Variants in KANK1 observed in about 807,000 individuals in gnomAD.
KANK1 encodes the protein KN motif and ankyrin repeat domain-containing protein 1.
Under a neutral mutation model 106.2 loss-of-function variants are expected in KANK1, and 109 were observed. The ratio of observed to expected loss-of-function variants is 1.03; its 90% CI spans 0.88 to 1.20. The LOEUF (loss-of-function observed/expected upper bound fraction) is 1.20. Among genes scored for constraint, KANK1 ranks in the 50% most tolerant of loss-of-function variants. The pLI, the probability that KANK1 is intolerant of heterozygous loss-of-function variation, is 0.00. For missense variants in KANK1, 2,399 were observed against 1,710.7 expected (o/e 1.40, Z -7.10); for synonymous variants, 873 against 652.2 (o/e 1.34, Z -5.16).
chr9:579,330 T>G (rs1352201612), intron 1 of KANK1, among the ~76,000 whole-genome samples: 1 of 152,106 alleles, frequency 6.6e-6, no homozygotes, highest in Non-Finnish European at 1.5e-5. Context: ...CAAAACAAAC[T>G]TGGGGAGGAT....
At chr9:734,683 T>C (rs1833282360) in intron 6 of KANK1, 65 bp from the exon 7 acceptor site, 1 of 1,176,862 alleles carries the variant, frequency 8.5e-7, no homozygotes, top group Non-Finnish European at 1.3e-6. Flanking sequence ...AAATTAGATA[T>C]TTGGGTTGAA....
At chr9:625,292 G>T (rs149028495) in intron 1 of KANK1, among the ~76,000 whole-genome samples, 29 of 152,274 alleles carry the variant, frequency 1.9e-4, no homozygotes, top group African/African-American at 6.5e-4. Flanking sequence ...GATAAAAACC[G>T]TTAAGTATTT....
chr9:680,307 C>G (rs984800911), intron 2 of KANK1, among the ~76,000 whole-genome samples: 1 of 152,138 alleles, frequency 6.6e-6, no homozygotes, highest in Non-Finnish European at 1.5e-5. Context: ...GACTGATCAT[C>G]TCAAGTTGAC....
intron 3 of KANK1, among the ~76,000 whole-genome samples, chr9:724,737 G>C (rs1830235777): frequency 6.6e-6 from 1 of 152,106 alleles, no homozygotes; most frequent in African/African-American, 2.4e-5. Context: ...GGGAGGTGGA[G>C]GTTGCAGTGA....
chr9:471,199 C>A (rs2058014382), intron 2 of KANK1, among the ~76,000 whole-genome samples: 1 of 152,214 alleles, frequency 6.6e-6, no homozygotes, highest in African/African-American at 2.4e-5. Context: ...CACCTCACCC[C>A]TTGCTTTTTC....
At chr9:550,685 G>A (rs1348470044) in intron 1 of KANK1, among the ~76,000 whole-genome samples, 6 of 152,200 alleles carry the variant, frequency 3.9e-5, no homozygotes, top group African/African-American at 1.2e-4. Context: ...CACGTGCAAG[G>A]TAGTGGCCAG....
chr9:546,314 G>T (rs1223078642), intron 1 of KANK1, among the ~76,000 whole-genome samples: 1 of 151,980 alleles, frequency 6.6e-6, no homozygotes, highest in African/African-American at 2.4e-5. Flanking sequence ...GAGAGGGTAG[G>T]TGCTACTGTC....
In KANK1 at chr9:524,518, TTTTG is replaced by T. The variant is rs1417908398; in HGVS notation, c.-84+19776_-84+19779del. 6.6e-5 allele frequency among the ~76,000 whole-genome samples: 10 copies of T among 151,770 alleles called. No homozygotes were observed. In the East Asian group the frequency reaches 9.7e-4, roughly 15 times the overall value. The stretch of plus-strand genomic sequence containing the variant: ...GTAGTATGTCACTTATTGTGGGGTT[TTTTG>T]TTTGTTTGTTTTTGAAACTGTGTCT... On this transcript the variant is annotated intron_variant, in intron 1 of 11. Transcript: ENST00000382297.
At chr9:744,449 T>G in intron 10 of KANK1, 42 bp from the exon 11 acceptor site, 2 of 1,588,332 alleles carry the variant, frequency 1.3e-6, no homozygotes, top group Non-Finnish European at 1.7e-6. Context: ...TCTGGAGGTT[T>G]GAGAAACCCA....
intron 2 of KANK1, among the ~76,000 whole-genome samples, chr9:686,136 C>A (rs1818493832): frequency 1.3e-5 from 2 of 152,198 alleles, no homozygotes; most frequent in African/African-American, 4.8e-5. Flanking sequence ...TCAGCTCTTA[C>A]TTTTTTCTAA....
At chr9:597,153 C>CTT (rs1826422230) in intron 1 of KANK1, among the ~76,000 whole-genome samples, 1 of 151,756 alleles carries the variant, frequency 6.6e-6, no homozygotes, top group Admixed American at 6.6e-5. Flanking sequence ...TTTTCCCCAC[C>CTT]TTTTAATTCT....
At chr9:729,106 A>G (rs1831523294) in intron 3 of KANK1, among the ~76,000 whole-genome samples, 1 of 152,240 alleles carries the variant, frequency 6.6e-6, no homozygotes, top group African/African-American at 2.4e-5. Context: ...ACATATCTGT[A>G]TACATTAATT....
At chr9:729,875 G>A (rs564383286) in intron 3 of KANK1, among the ~76,000 whole-genome samples, 176 bp from the exon 4 acceptor site, 1 of 152,156 alleles carries the variant, frequency 6.6e-6, no homozygotes, top group African/African-American at 2.4e-5. Flanking sequence ...GACGAGGCCC[G>A]GCAGTCTGCC....
At chr9:598,581 A>G (rs1240466579) in intron 1 of KANK1, among the ~76,000 whole-genome samples, 2 of 108,816 alleles carry the variant, frequency 1.8e-5, no homozygotes, top group African/African-American at 6.8e-5. Context: ...CCTGTGTTAA[A>G]TTTGTTCCTA....
rs141147776 is a variant in KANK1 at position 520,359 on chromosome 9, A to T, written c.-84+15605A>T. On this transcript the variant is annotated intron_variant, in intron 1 of 11. Transcript: ENST00000382297. The stretch of plus-strand genomic sequence containing the variant: ...GTCTCAAAAAAATAAATAAAAATTA[A>T]AAAGGAAGTGACCAGTTCATTCATA... Among the ~76,000 whole-genome samples, 10 of 151,654 alleles carry T rather than the reference A, an allele frequency of 6.6e-5. No individual in the cohort carries two copies. The East Asian group carries it at 1.9e-3, about 29-fold the overall frequency.
intron 1 of KANK1, among the ~76,000 whole-genome samples, chr9:508,962 G>C (rs1048867911): frequency 2.2e-4 from 34 of 152,168 alleles, no homozygotes; most frequent in African/African-American, 8.0e-4. Context: ...TCAGTTTAGA[G>C]GTACAGTCAT....
In KANK1 at chr9:508,416, C is replaced by T. The variant is rs144004871; in HGVS notation, c.-84+3662C>T. 3.7e-4 allele frequency among the ~76,000 whole-genome samples: 56 copies of T among 152,266 alleles called. No individual in the cohort carries two copies. The East Asian group carries it at 9.7e-3, about 26-fold the overall frequency. On this transcript the variant is annotated intron_variant, in intron 1 of 11. Transcript: ENST00000382297. ...CCTCCCAAAGTGCTGGCATTACAGGCGTGAGCCACTGTGCCCAGCCTGTAG... is the reference window on the plus strand; with the variant it reads ...CCTCCCAAAGTGCTGGCATTACAGGTGTGAGCCACTGTGCCCAGCCTGTAG...
In KANK1 at chr9:746,046, ATGTT is replaced by A. The variant is rs1186966729; in HGVS notation, c.*814_*817del. 2.0e-5 allele frequency: 3 copies of A among 152,628 alleles called. No homozygotes were observed. Among genetic ancestry groups the A allele is most frequent in the South Asian group, 2.1e-4 (1 of 4,834 alleles). The allele number at this position is 152,628 out of a possible 1,614,324, so 9.5% of individuals were successfully genotyped here. On this transcript the variant is annotated 3_prime_UTR_variant, in exon 12 of 12. Transcript: ENST00000382297. ...TTACTTTGGTCCTCTATGTATTTAA[ATGTT>A]TGAAGTGCCTTAGACTCTTGCCATA...
chr9:605,732 G>A (rs897324813), intron 1 of KANK1, among the ~76,000 whole-genome samples: 1 of 151,756 alleles, frequency 6.6e-6, no homozygotes, highest in African/African-American at 2.4e-5. Flanking sequence ...TTGAGGAGGG[G>A]AAAGAAGGGG....
Sources: allele counts gnomAD v4.1 joint callset (sites outside exome capture counted in the v4.1 genomes callset), GRCh38; gene constraint gnomAD v4.1.1; transcripts MANE v1.5; gene names NCBI Gene and HGNC (gene_info 2026-07-23, HGNC 2026-07-21).